Variants in KLHL5 observed in about 807,000 individuals in gnomAD.
KLHL5 encodes kelch-like protein 5.
A neutral mutation model predicts 77.7 loss-of-function variants in KLHL5; 48 were observed. The observed-to-expected ratio is 0.62, with a 90% CI of 0.49 to 0.79. KLHL5 has a LOEUF of 0.79. Ranked by LOEUF, KLHL5 falls within the 30% of genes least tolerant of loss-of-function variation. KLHL5 has a pLI of 0.00. For missense variants in KLHL5, 723 were observed against 859.7 expected, an observed-to-expected ratio of 0.84 and a Z score of 1.99; for synonymous variants, 260 against 297.0, an observed-to-expected ratio of 0.88 and a Z score of 1.28.
chr4:39,115,231 T>C lies in KLHL5; in HGVS notation c.1974T>C (p.Cys658=), dbSNP rs199903092. The C allele has an allele frequency of 1.2e-6, 2 of 1,613,872 alleles. No homozygotes were observed. Among genetic ancestry groups the C allele is most frequent in the Admixed American group, 3.3e-5 (2 of 59,972 alleles). ...TCAGCAGAGATGCAGTGGGGGTCTGTTTACTTGGTGATAAGTTATATGCTG... is the reference window on the plus strand; with the variant it reads ...TCAGCAGAGATGCAGTGGGGGTCTGCTTACTTGGTGATAAGTTATATGCTG... ...MSISRDAVGV[C]LLGDKLYAVG... Residue 658 remains cysteine, a synonymous_variant, in exon 10 of 11, where the codon TGT becomes TGC. Transcript: ENST00000504108.
At chr4:39,142,924 G>T in the KLHL5 span, among the ~76,000 whole-genome samples, 1 of 152,218 alleles carries the variant, frequency 6.6e-6, no homozygotes, top group Non-Finnish European at 1.5e-5. Context: ...GAGAGAGGAT[G>T]AATGTGGCTG....
At chr4:39,095,696 A>C (rs1721004019) in intron 5 of KLHL5, among the ~76,000 whole-genome samples, 1 of 151,976 alleles carries the variant, frequency 6.6e-6, no homozygotes, top group African/African-American at 2.4e-5. Flanking sequence ...AAAAATTAGC[A>C]TATCTATATA....
At chr4:39,089,488 A>G (rs1720327132) in intron 5 of KLHL5, among the ~76,000 whole-genome samples, 1 of 152,132 alleles carries the variant, frequency 6.6e-6, no homozygotes, top group African/African-American at 2.4e-5. Context: ...AAGGCAAGAG[A>G]ATGACACTGG....
chr4:39,047,051 G>A (rs899688511), intron 1 of KLHL5, among the ~76,000 whole-genome samples: 2 of 152,148 alleles, frequency 1.3e-5, no homozygotes, highest in East Asian at 1.9e-4. Flanking sequence ...GTTTTAAAGC[G>A]GGATGTATTT....
At chr4:39,087,465 A>G (rs904326232) in intron 5 of KLHL5, among the ~76,000 whole-genome samples, 1 of 152,234 alleles carries the variant, frequency 6.6e-6, no homozygotes, top group Non-Finnish European at 1.5e-5. Context: ...GTGACTTGGC[A>G]TATTCACACA....
At chr4:39,132,165 G>A in the KLHL5 span, among the ~76,000 whole-genome samples, 3 of 152,044 alleles carry the variant, frequency 2.0e-5, no homozygotes, top group African/African-American at 7.2e-5. Flanking sequence ...CCCATTATCA[G>A]GAGACTACAA....
At position 39,081,930 on chromosome 4, in the gene KLHL5, C is replaced by T. The variant is rs1421110843; in HGVS notation, c.704-33C>T. The T allele has an allele frequency of 2.0e-6, 3 of 1,475,162 alleles. No individual in the cohort carries two copies. Among genetic ancestry groups the T allele is most frequent in the South Asian group, 2.6e-5 (2 of 76,842 alleles). 91.4% of individuals were successfully genotyped at this position (1,475,162 alleles called of 1,614,324 possible). A position where few individuals can be genotyped will look rare whatever the true frequency, so the allele number is the denominator to read the frequency against. On this transcript the variant is annotated intron_variant, in intron 3 of 10. Transcript: ENST00000504108. This position sits in a 1 kb window ranked among gnomAD's most constrained non-coding sequence, Gnocchi z 4.3. The stretch of plus-strand genomic sequence containing the variant: ...TTTATAAAATAAGGTTAATGTAGTT[C>T]CATGGCTAATGGAATTTCTTTTTAT...
chr4:39,067,366 T>C (rs183796439), intron 1 of KLHL5, among the ~76,000 whole-genome samples: 124 of 152,308 alleles, frequency 8.1e-4, no homozygotes, highest in African/African-American at 2.9e-3. Context: ...GCCATTTTTT[T>C]CACATCATAT....
chr4:39,134,569 T>A, the KLHL5 span, among the ~76,000 whole-genome samples: 1 of 152,212 alleles, frequency 6.6e-6, no homozygotes, highest in Non-Finnish European at 1.5e-5. Context: ...GGATGATACA[T>A]ACTTGATGCC....
chr4:39,140,126 G>C, the KLHL5 span, among the ~76,000 whole-genome samples: 18 of 152,156 alleles, frequency 1.2e-4, no homozygotes, highest in East Asian at 3.5e-3. Context: ...ACTTGGGGGG[G>C]GCTGGGGCAG....
the KLHL5 span, among the ~76,000 whole-genome samples, chr4:39,142,231 T>A: frequency 6.6e-6 from 1 of 152,030 alleles, no homozygotes; most frequent in Non-Finnish European, 1.5e-5. Context: ...AAAAATTGAT[T>A]TATTTATACA....
Position 39,124,802 on chromosome 4 carries a change from C to CAAAAAAAAAAAA in KLHL5, c.*3749_*3760dup, listed in dbSNP as rs71643268. Among the ~76,000 whole-genome samples, 201 of 44,102 alleles carry CAAAAAAAAAAAA rather than the reference C, an allele frequency of 4.6e-3. 2 individuals carry two copies. The highest frequency in any genetic ancestry group is 6.5e-3 in the Non-Finnish European group (147 of 22,638). 28.9% of individuals were successfully genotyped at this position (44,102 alleles called of 152,430 possible). A position where few individuals can be genotyped will look rare whatever the true frequency, so the allele number is the denominator to read the frequency against. On this transcript the variant is annotated 3_prime_UTR_variant, in exon 11 of 11. Coordinates refer to ENST00000504108, the MANE Select transcript of KLHL5 (RefSeq NM_015990.5). The stretch of plus-strand genomic sequence containing the variant: ...GCACCAAAAGCACAAGCAACAACAG[C>CAAAAAAAAAAAA]AAAAAAAAAAAAAAAAAAAAAAAAT...
Position 39,081,816 on chromosome 4 carries a change from C to T in KLHL5, c.704-147C>T, listed in dbSNP as rs2109382407. On this transcript the variant is annotated intron_variant, in intron 3 of 10. Transcript: ENST00000504108. This position sits in a 1 kb window ranked among gnomAD's most constrained non-coding sequence, Gnocchi z 4.3. ...ATAATTTTTTCCCCATTTAGTCCTT[C>T]TTTTCTTTTTGGGATGTCTTAAACC... The T allele has an allele frequency of 2.0e-6, 1 of 503,388 alleles. No individual in the cohort carries two copies. The allele number at this position is 503,388 out of a possible 1,614,324, so 31.2% of individuals were successfully genotyped here.
intron 1 of KLHL5, among the ~76,000 whole-genome samples, chr4:39,049,035 A>G (rs947988119): frequency 6.6e-5 from 10 of 152,148 alleles, no homozygotes; most frequent in Non-Finnish European, 1.5e-4. Flanking sequence ...CCCAACTTCA[A>G]GGAGATGGGG....
At chr4:39,131,243 A>C (rs892384018), downstream of KLHL5, among the ~76,000 whole-genome samples, 21 of 152,136 alleles carry the variant, frequency 1.4e-4, no homozygotes, top group African/African-American at 5.1e-4. Context: ...CAAGATATAC[A>C]ATTTAATTTA....
intron 5 of KLHL5, among the ~76,000 whole-genome samples, chr4:39,096,409 T>TAA (rs1044283305): frequency 1.3e-5 from 2 of 152,042 alleles, no homozygotes; most frequent in African/African-American, 4.8e-5. Flanking sequence ...AGAAAAGTAG[T>TAA]AAAAAAAACT....
chr4:39,049,805 C>T, intron 1 of KLHL5, among the ~76,000 whole-genome samples: 1 of 152,104 alleles, frequency 6.6e-6, no homozygotes, highest in East Asian at 1.9e-4. Context: ...GGCATAGTGG[C>T]TCACGCTTTT....
intron 10 of KLHL5, among the ~76,000 whole-genome samples, chr4:39,117,933 T>G (rs1008289154): frequency 5.3e-5 from 8 of 151,634 alleles, no homozygotes; most frequent in African/African-American, 1.9e-4. Flanking sequence ...AAATTAATGC[T>G]CCTGTAGTCC....
exon 1 of KLHL5, chr4:39,045,053 C>T (rs1340945356): frequency 2.1e-4 from 211 of 993,912 alleles, no homozygotes; most frequent in Non-Finnish European, 2.5e-4. Flanking sequence ...CGCCTGGCCG[C>T]CCCGGCCCGC....
Sources: gnomAD v4.1 joint callset for allele counts (sites outside exome capture counted in the v4.1 genomes callset) on GRCh38, gnomAD v4.1.1 for gene constraint, Gnocchi (gnomAD v3.1) non-coding constraint, MANE v1.5 for transcripts, NCBI Gene and HGNC (gene_info 2026-07-23, HGNC 2026-07-21) for gene names.